NEDD1: variants seen among roughly 807,000 people sequenced by gnomAD.
NEDD1 encodes protein NEDD1.
NEDD1 carries 33 observed loss-of-function variants against 74.0 expected under a neutral mutation model. The observed-to-expected ratio is 0.45, with a 90% confidence interval of 0.34 to 0.60. The LOEUF (loss-of-function observed/expected upper bound fraction) is 0.60. Among genes scored for constraint, NEDD1 ranks in the 20% least tolerant of loss-of-function variants. The pLI is 0.01. For missense variants in NEDD1, 746 were observed against 776.5 expected (o/e 0.96, Z 0.47); for synonymous variants, 250 against 264.4 (o/e 0.95, Z 0.53).
rs1397619462 is a variant in NEDD1, at chr12:96,917,753, A to C, written c.348+16A>C. The C allele has an allele frequency of 5.2e-6, 8 of 1,543,580 alleles. No individual in the cohort carries two copies. Among genetic ancestry groups the C allele is most frequent in the Non-Finnish European group, 6.9e-6 (8 of 1,157,896 alleles). ...ATCTCTTAAGGTAAGCAATTTAAAA[A>C]AAATCTTCATGAAAAAATGGATATC... On this transcript the variant is annotated intron_variant, in intron 5 of 15. Coordinates refer to ENST00000266742, the MANE Select transcript of NEDD1 (RefSeq NM_152905.4).
At chr12:96,938,987 A>C (rs1440777757) in intron 9 of NEDD1, among the ~76,000 whole-genome samples, 1 of 151,962 alleles carries the variant, frequency 6.6e-6, no homozygotes, top group Non-Finnish European at 1.5e-5. Context: ...ATGACATTTA[A>C]CTGTTAGGGT....
rs555575064 is a variant in NEDD1, at chr12:96,909,811, G to A, written c.52G>A (p.Asp18Asn). ...ASSGDDIKIW[D>N]ASSMTLVDKF... ...ATCAGGAGATGATATTAAAATATGG[G>A]ATGCTTCATCTATGACATTGGTGGA... is the stretch of plus-strand genomic sequence containing the variant. Residue 18 changes from aspartate (D) to asparagine (N), a missense_variant, in exon 3 of 16, where the codon GAT becomes AAT. Physicochemically the swap from Asp to Asn is conservative, Grantham distance 23 (BLOSUM62 1). Coordinates refer to ENST00000266742, the MANE Select transcript of NEDD1 (RefSeq NM_152905.4). 1 of 1,613,102 alleles carries A rather than the reference G, an allele frequency of 6.2e-7. No homozygotes were observed. Among genetic ancestry groups the A allele is most frequent in the Non-Finnish European group, 8.5e-7 (1 of 1,179,492 alleles).
chr12:96,929,333 G>GT (rs1274597876), intron 6 of NEDD1, among the ~76,000 whole-genome samples: 2 of 133,596 alleles, frequency 1.5e-5, no homozygotes, highest in African/African-American at 5.5e-5. Context: ...TTAAATTTAT[G>GT]TTTTTTTTCT....
chr12:96,933,874 A>T (rs770176589), intron 6 of NEDD1, among the ~76,000 whole-genome samples: 21 of 152,230 alleles, frequency 1.4e-4, no homozygotes, highest in Non-Finnish European at 2.5e-4. Context: ...AAAAAAGAAA[A>T]GTAGATAAAA....
chr12:96,928,204 A>G (rs1382296451), intron 6 of NEDD1, among the ~76,000 whole-genome samples: 1 of 152,050 alleles, frequency 6.6e-6, no homozygotes, highest in East Asian at 1.9e-4. Context: ...TTGTCCAATC[A>G]TGTTTTCTGC....
At chr12:96,949,006 A>C (rs1878456965) in intron 14 of NEDD1, among the ~76,000 whole-genome samples, 1 of 152,148 alleles carries the variant, frequency 6.6e-6, no homozygotes, top group South Asian at 2.1e-4. Context: ...AGTTTTCTGC[A>C]GGCCTCCTCT....
chr12:96,943,930 G>T (rs1877929750), intron 12 of NEDD1, among the ~76,000 whole-genome samples, 168 bp downstream of exon 12: 1 of 152,038 alleles, frequency 6.6e-6, no homozygotes, highest in Non-Finnish European at 1.5e-5. Context: ...CTTTGGATAT[G>T]TTGAAGGTTA....
intron 6 of NEDD1, chr12:96,925,078 G>C (rs1463609639): frequency 3.9e-6 from 1 of 259,212 alleles, no homozygotes; most frequent in Admixed American, 5.6e-5. Flanking sequence ...GTAGCAATAA[G>C]CAATAAGTAT....
intron 14 of NEDD1, among the ~76,000 whole-genome samples, chr12:96,950,158 G>A (rs1490168743): frequency 2.0e-5 from 3 of 151,904 alleles, no homozygotes; most frequent in African/African-American, 7.2e-5. Context: ...CAAGGAAGAG[G>A]AATGGTATAT....
At position 96,923,134 on chromosome 12, in the gene NEDD1, A is replaced by G. The variant is rs184323651; in HGVS notation, c.489+3009A>G. Among the ~76,000 whole-genome samples the G allele has an allele frequency of 3.5e-3, 528 of 152,138 alleles. 4 individuals are homozygous for G. The highest frequency in any genetic ancestry group is 0.012 in the African/African-American group (501 of 41,520). On this transcript the variant is annotated intron_variant, in intron 6 of 15. Coordinates refer to ENST00000266742, the MANE Select transcript of NEDD1 (RefSeq NM_152905.4). Reference sequence around the variant, plus strand: ...CCTGTCTCAAAAGAAAAAAAAAAGCAAGGAATCATATGTGTCTGGTTTCTT... The same window carrying G: ...CCTGTCTCAAAAGAAAAAAAAAAGCGAGGAATCATATGTGTCTGGTTTCTT...
In NEDD1 at chr12:96,940,436, C is replaced by A; in HGVS notation, c.1145C>A (p.Thr382Asn). 1 of 1,600,272 alleles carries A rather than the reference C, an allele frequency of 6.2e-7. No homozygotes were observed. Among genetic ancestry groups the A allele is most frequent in the Non-Finnish European group, 8.6e-7 (1 of 1,168,794 alleles). The stretch of plus-strand genomic sequence containing the variant: ...TTGCCTCGAAGCATAAACACAGACA[C>A]TTTATCTAAGGAAACAGACAGTGGA... ...AGLPRSINTD[T>N]LSKETDSGKN... The change falls in exon 10 of 16, where the codon ACT becomes AAT. Residue 382 changes from threonine to asparagine, a missense_variant. Coordinates refer to ENST00000266742, the MANE Select transcript of NEDD1 (RefSeq NM_152905.4).
chr12:96,926,662 A>C (rs1310403790), intron 6 of NEDD1, among the ~76,000 whole-genome samples: 2 of 152,094 alleles, frequency 1.3e-5, no homozygotes, highest in Non-Finnish European at 2.9e-5. Context: ...TTAATTAAAA[A>C]AAGTTTTGTT....
In NEDD1 at chr12:96,945,690, T is replaced by C; in HGVS notation, c.1655-3T>C. ...TTAATATTTTCTTCATTCTTTATTT[T>C]AGATCCAAAGATAGCATCTTCTGTC... is the stretch of plus-strand genomic sequence containing the variant. On this transcript the variant is annotated splice_region_variant and splice_polypyrimidine_tract_variant and intron_variant, in intron 13 of 15. Coordinates refer to ENST00000266742, the MANE Select transcript of NEDD1 (RefSeq NM_152905.4). 6.4e-7 allele frequency: 1 copy of C among 1,565,586 alleles called. No homozygotes were observed. Among genetic ancestry groups the C allele is most frequent in the Admixed American group, 1.7e-5 (1 of 59,378 alleles).
Position 96,907,720 on chromosome 12 carries a change from T to C in NEDD1, c.-145T>C, listed in dbSNP as rs930964668. 3 of 1,549,814 alleles carry C rather than the reference T, an allele frequency of 1.9e-6. No homozygotes were observed. The highest frequency in any genetic ancestry group is 3.9e-5 in the Admixed American group (2 of 50,918). ...ATTTCAGCTGAGTGGTGTAGTTGAA[T>C]TGGTTCCTGTAGCCGCTGTCCCTAA... On this transcript the variant is annotated 5_prime_UTR_variant, in exon 2 of 16. Transcript: ENST00000266742.
intron 6 of NEDD1, among the ~76,000 whole-genome samples, chr12:96,932,442 T>TAAAAAAAAAAAAAAAA (rs747225218): frequency 9.4e-5 from 1 of 10,656 alleles, no homozygotes; most frequent in Non-Finnish European, 1.3e-4. Flanking sequence ...TCCTGTCTCT[T>TAAAAAAAAAAAAAAAA]AAAAAAAAAA....
intron 3 of NEDD1, among the ~76,000 whole-genome samples, chr12:96,911,659 C>A (rs1252957309): frequency 6.6e-6 from 1 of 152,168 alleles, no homozygotes; most frequent in Admixed American, 6.5e-5. Flanking sequence ...CTAGATTACC[C>A]ACCCACATTA....
chr12:96,937,198 T>A lies in NEDD1; in HGVS notation c.922T>A (p.Ser308Thr). 6.4e-6 allele frequency: 10 copies of A among 1,567,314 alleles called. No homozygotes were observed. Among genetic ancestry groups the A allele is most frequent in the Non-Finnish European group, 8.7e-6 (10 of 1,152,152 alleles). The change falls in exon 9 of 16, where the codon TCA becomes ACA. Residue 308 changes from serine to threonine, a missense_variant and splice_region_variant. By Grantham distance (58) the Ser-to-Thr change is moderately conservative. Coordinates refer to ENST00000266742, the MANE Select transcript of NEDD1 (RefSeq NM_152905.4). ...AFQYSTVLTK[S>T]SLNKGCSNKP... ...TTTTAAATATTCCATTACATTTCAG[T>A]CAAGTTTAAATAAAGGCTGTTCAAA...
At chr12:96,935,805 G>A (rs893707778) in intron 7 of NEDD1, among the ~76,000 whole-genome samples, 3 of 151,862 alleles carry the variant, frequency 2.0e-5, no homozygotes, top group African/African-American at 7.3e-5. Flanking sequence ...GTTAAATTTA[G>A]GTATGCTTAG....
rs917406717 is a variant in NEDD1 at position 96,952,577 on chromosome 12, CTA to C, written c.*526_*527del. On this transcript the variant is annotated 3_prime_UTR_variant, in exon 16 of 16. Coordinates refer to ENST00000266742, the MANE Select transcript of NEDD1 (RefSeq NM_152905.4). ...GTTAACTTGATGAAGTCAAGTATGACTATTATTTATTGTACATTTGATAAGAC... is the reference window on the plus strand; with the variant it reads ...GTTAACTTGATGAAGTCAAGTATGACTTATTTATTGTACATTTGATAAGAC... The C allele has an allele frequency of 2.6e-5, 4 of 151,818 alleles. No individual in the cohort carries two copies. The highest frequency in any genetic ancestry group is 2.1e-4 in the South Asian group (1 of 4,838). The allele number at this position is 151,818 out of a possible 1,614,324, so 9.4% of individuals were successfully genotyped here. A position where few individuals can be genotyped will look rare whatever the true frequency, so the allele number is the denominator to read the frequency against.
Sources: gnomAD v4.1 joint callset for allele counts (sites outside exome capture counted in the v4.1 genomes callset) on GRCh38, gnomAD v4.1.1 for gene constraint, MANE v1.5 for transcripts, NCBI Gene and HGNC (gene_info 2026-07-23, HGNC 2026-07-21) for gene names.